Variants in PLPPR1 observed in about 807,000 individuals in gnomAD.
PLPPR1 encodes phospholipid phosphatase related 1, also known as phospholipid phosphatase-related protein type 1.
PLPPR1 carries 10 observed loss-of-function variants against 33.1 expected under a neutral mutation model. The observed-to-expected ratio is 0.30, with a 90% confidence interval of 0.19 to 0.51. The LOEUF is 0.51. Among genes scored for constraint, PLPPR1 ranks in the 20% least tolerant of loss-of-function variants. The pLI is 0.97. For synonymous variants in PLPPR1, 151 were observed against 151.0 expected, an observed-to-expected ratio of 1.00 and a Z score of 0.00; for missense variants, 304 against 408.1, an observed-to-expected ratio of 0.74 and a Z score of 2.20.
intron 1 of PLPPR1, among the ~76,000 whole-genome samples, chr9:101,179,073 A>G (rs145647553): frequency 1.6e-4 from 25 of 152,322 alleles, no homozygotes; most frequent in African/African-American, 6.0e-4. Flanking sequence ...TGGCTGGGAT[A>G]ATAGACCTGG....
chr9:101,283,326 A>G (rs1180694376), intron 3 of PLPPR1, among the ~76,000 whole-genome samples: 1 of 152,210 alleles, frequency 6.6e-6, no homozygotes, highest in Non-Finnish European at 1.5e-5. Flanking sequence ...AGAAAGACCA[A>G]TGGAATAGAA....
intron 1 of PLPPR1, among the ~76,000 whole-genome samples, chr9:101,107,684 G>A (rs1242294556): frequency 1.1e-5 from 1 of 90,298 alleles, no homozygotes; most frequent in African/African-American, 4.8e-5. Flanking sequence ...CACCCAGTTC[G>A]AGCTTCCCGG....
rs986071488 is a variant in PLPPR1, at chr9:101,325,081, T to C, written c.*1024T>C. On this transcript the variant is annotated 3_prime_UTR_variant, in exon 8 of 8. Transcript: ENST00000374874. ...ACTTCCATGTTGGCTCTTCTCAGCT[T>C]TTTTTGTACATATTTTTTTTTTCTA... The C allele has an allele frequency of 1.3e-5, 2 of 152,344 alleles. No homozygotes were observed. The highest frequency in any genetic ancestry group is 3.4e-3 in the Middle Eastern group (1 of 294). The allele number at this position is 152,344 out of a possible 1,614,324, so 9.4% of individuals were successfully genotyped here. A position where few individuals can be genotyped will look rare whatever the true frequency, so the allele number is the denominator to read the frequency against.
At chr9:101,245,327 G>A (rs576193961) in intron 2 of PLPPR1, among the ~76,000 whole-genome samples, 7 of 152,034 alleles carry the variant, frequency 4.6e-5, no homozygotes, top group African/African-American at 1.2e-4. Context: ...GCAATATAAC[G>A]TGTGGTGAAA....
At chr9:101,160,573 G>C (rs1382239801) in intron 1 of PLPPR1, among the ~76,000 whole-genome samples, 1 of 152,124 alleles carries the variant, frequency 6.6e-6, no homozygotes, top group African/African-American at 2.4e-5. Flanking sequence ...TAACAAATGA[G>C]AGAATTTGAA....
chr9:101,055,441 G>T (rs1456755320), intron 1 of PLPPR1, among the ~76,000 whole-genome samples: 2 of 152,280 alleles, frequency 1.3e-5, no homozygotes, highest in East Asian at 1.9e-4. Flanking sequence ...AAGCAGTTTG[G>T]TCAAGTGTTT....
At chr9:101,075,324 G>A (rs898643355) in intron 1 of PLPPR1, among the ~76,000 whole-genome samples, 2 of 152,194 alleles carry the variant, frequency 1.3e-5, no homozygotes, top group African/African-American at 4.8e-5. Context: ...CACACCATTG[G>A]TCTTTTTATA....
intron 2 of PLPPR1, among the ~76,000 whole-genome samples, chr9:101,263,087 G>A (rs1451079056): frequency 2.0e-5 from 3 of 151,928 alleles, no homozygotes; most frequent in Non-Finnish European, 2.9e-5. Context: ...AAACCACCAC[G>A]GCACATGTAT....
chr9:101,117,308 A>C (rs930881942), intron 1 of PLPPR1, among the ~76,000 whole-genome samples: 7 of 152,166 alleles, frequency 4.6e-5, no homozygotes, highest in Non-Finnish European at 7.3e-5. Context: ...GCCAAAACCC[A>C]CCGAAACCAA....
chr9:101,109,399 T>C (rs1588032078), intron 1 of PLPPR1, among the ~76,000 whole-genome samples: 1 of 152,134 alleles, frequency 6.6e-6, no homozygotes, highest in Admixed American at 6.5e-5. Flanking sequence ...CCCAAGGGCG[T>C]AGTTGATGCA....
In PLPPR1 at chr9:101,153,607, C is replaced by T. The variant is rs1831628362; in HGVS notation, c.-45-31843C>T. 1.3e-5 allele frequency among the ~76,000 whole-genome samples: 2 copies of T among 152,182 alleles called. 1 individual carries two copies. The highest frequency in any genetic ancestry group is 4.1e-4 in the South Asian group (2 of 4,830). ...ATTTATTTATTGAGACAGAGTCTCG[C>T]TCTGTTTCCCATGCTGGAGCGCAGT... On this transcript the variant is annotated intron_variant, in intron 1 of 7. Coordinates refer to ENST00000374874, the MANE Select transcript of PLPPR1 (RefSeq NM_207299.2).
At chr9:101,099,288 G>C (rs2987739) in intron 1 of PLPPR1, among the ~76,000 whole-genome samples, 72,686 of 152,006 alleles carry the variant, frequency 0.48, 17,386 homozygotes, top group East Asian at 0.54. Context: ...GCCCAGCACT[G>C]TTTGTCTGCG....
chr9:101,283,554 G>T (rs540449158), intron 3 of PLPPR1, among the ~76,000 whole-genome samples: 1 of 152,064 alleles, frequency 6.6e-6, no homozygotes, highest in Non-Finnish European at 1.5e-5. Context: ...AAGCAATGAG[G>T]TCTTACATAG....
chr9:101,216,045 G>C (rs547799816), intron 2 of PLPPR1, among the ~76,000 whole-genome samples: 2 of 151,976 alleles, frequency 1.3e-5, no homozygotes, highest in South Asian at 4.2e-4. Flanking sequence ...TCCAATTTTA[G>C]TTTTTTTGAG....
At chr9:101,194,777 C>T (rs528827464) in intron 2 of PLPPR1, among the ~76,000 whole-genome samples, 3 of 145,118 alleles carry the variant, frequency 2.1e-5, no homozygotes, top group South Asian at 2.3e-4. Flanking sequence ...AAAGTTAAAA[C>T]GCTGAGTGCA....
intron 1 of PLPPR1, among the ~76,000 whole-genome samples, chr9:101,124,043 GTAT>G (rs904247618): frequency 1.3e-5 from 2 of 152,072 alleles, no homozygotes; most frequent in Non-Finnish European, 2.9e-5. Context: ...AAAACAGAAG[GTAT>G]TATTATTACT....
intron 4 of PLPPR1, among the ~76,000 whole-genome samples, chr9:101,305,253 G>T (rs1306305392): frequency 6.6e-6 from 1 of 152,128 alleles, no homozygotes; most frequent in Non-Finnish European, 1.5e-5. Flanking sequence ...GTGTGTATGT[G>T]TGTGAGAAAA....
chr9:101,270,220 G>A, intron 3 of PLPPR1, 152 bp downstream of exon 3: 1 of 752,306 alleles, frequency 1.3e-6, no homozygotes, highest in Non-Finnish European at 2.2e-6. Context: ...ATGGAGCTCT[G>A]CAGAAAAACT....
intron 1 of PLPPR1, among the ~76,000 whole-genome samples, chr9:101,070,665 T>C (rs1830472540): frequency 6.6e-6 from 1 of 152,136 alleles, no homozygotes; most frequent in Non-Finnish European, 1.5e-5. Flanking sequence ...CTCGTTTAAA[T>C]CATGATCTTT....
Sources: gnomAD v4.1 joint callset for allele counts (sites outside exome capture counted in the v4.1 genomes callset) on GRCh38, gnomAD v4.1.1 for gene constraint, MANE v1.5 for transcripts, NCBI Gene and HGNC (gene_info 2026-07-23, HGNC 2026-07-21) for gene names.